FGGY: variants seen among roughly 807,000 people sequenced by gnomAD.
FGGY encodes the protein FGGY carbohydrate kinase domain containing, also known as FGGY carbohydrate kinase domain-containing protein.
In FGGY, 72 loss-of-function variants were observed where a neutral mutation model predicts 71.3. The observed-to-expected ratio is 1.01, with a 90% CI of 0.84 to 1.23. The LOEUF (loss-of-function observed/expected upper bound fraction) is 1.23. Among genes scored for constraint, FGGY ranks in the 50% most tolerant of loss-of-function variants. The probability of loss-of-function intolerance (pLI) is 0.00; values close to 1 mark genes in which losing one functional copy is unlikely to be tolerated. For missense variants in FGGY, 668 were observed against 682.3 expected (o/e 0.98, Z 0.23); for synonymous variants, 251 against 250.3 (o/e 1.00, Z -0.02).
chr1:59,559,060 C>G (rs527586024), intron 8 of FGGY, among the ~76,000 whole-genome samples: 4 of 152,094 alleles, frequency 2.6e-5, no homozygotes, highest in Non-Finnish European at 4.4e-5. Flanking sequence ...GCACTGATTT[C>G]ATATTGTTCA....
At chr1:59,322,113 G>A (rs1337184303) in intron 2 of FGGY, among the ~76,000 whole-genome samples, 2 of 152,078 alleles carry the variant, frequency 1.3e-5, no homozygotes, top group African/African-American at 2.4e-5. Flanking sequence ...AACTTGCACT[G>A]TGTAGTTGCA....
At chr1:59,364,948 A>G (rs1264687466) in intron 4 of FGGY, among the ~76,000 whole-genome samples, 1 of 152,044 alleles carries the variant, frequency 6.6e-6, no homozygotes, top group Non-Finnish European at 1.5e-5. Flanking sequence ...GTAGAAGATG[A>G]CTCCTTTGGT....
At position 59,411,399 on chromosome 1, in the gene FGGY, T is replaced by G. The variant is rs559826637; in HGVS notation, c.554+32562T>G. Among the ~76,000 whole-genome samples the G allele has an allele frequency of 4.6e-5, 7 of 152,388 alleles. No homozygotes were observed. The East Asian group carries it at 1.3e-3, about 29-fold the overall frequency. ...TGAACTTTGGCCAATTTGTTAAGGT[T>G]GTGTCTTCCAGTTTATCCACTGTAA... On this transcript the variant is annotated intron_variant, in intron 5 of 15. Transcript: ENST00000303721.
chr1:59,743,835 C>T (rs1191197726), intron 14 of FGGY, among the ~76,000 whole-genome samples: 1 of 152,218 alleles, frequency 6.6e-6, no homozygotes, highest in Non-Finnish European at 1.5e-5. Context: ...CCTGCAGCCT[C>T]CTTTCTGTCC....
chr1:59,523,525 T>A (rs2094892958), intron 7 of FGGY, among the ~76,000 whole-genome samples: 3 of 152,230 alleles, frequency 2.0e-5, no homozygotes, highest in Non-Finnish European at 2.9e-5. Flanking sequence ...GAAATAATTT[T>A]AAAAATTTTC....
intron 6 of FGGY, among the ~76,000 whole-genome samples, chr1:59,480,634 A>G (rs12563198): frequency 0.06 from 9,070 of 152,260 alleles, 341 homozygotes; most frequent in East Asian, 0.13. Context: ...CTAGGTAAGC[A>G]ACCTGGAGTC....
rs138384153 is a variant in FGGY, at chr1:59,507,568, G to A, written c.671-4743G>A. On this transcript the variant is annotated intron_variant, in intron 6 of 15. Transcript: ENST00000303721. ...TCTCATTCTTGTTGCCCAGGATGGA[G>A]TGCAGTGGCGCAATCTCGGCTTACT... 3.3e-3 allele frequency among the ~76,000 whole-genome samples: 500 copies of A among 151,980 alleles called. 4 individuals carry two copies. Among genetic ancestry groups the A allele is most frequent in the African/African-American group, 0.011 (475 of 41,412 alleles).
chr1:59,710,239 G>A (rs2097784462), intron 14 of FGGY, among the ~76,000 whole-genome samples: 1 of 152,190 alleles, frequency 6.6e-6, no homozygotes, highest in African/African-American at 2.4e-5. Context: ...AAACTGGCTA[G>A]CCGTATGCAG....
intron 11 of FGGY, among the ~76,000 whole-genome samples, chr1:59,638,731 A>G (rs1004625699): frequency 2.6e-5 from 4 of 152,228 alleles, no homozygotes; most frequent in Non-Finnish European, 5.9e-5. Context: ...AGTAGTAAAT[A>G]TTACCACCCA....
At chr1:59,408,957 C>T (rs1344841104) in intron 5 of FGGY, among the ~76,000 whole-genome samples, 1 of 152,124 alleles carries the variant, frequency 6.6e-6, no homozygotes, top group Non-Finnish European at 1.5e-5. Flanking sequence ...TAACTTTAAC[C>T]ACGGCAGCCT....
At position 59,486,059 on chromosome 1, in the gene FGGY, A is replaced by G. The variant is rs544377301; in HGVS notation, c.671-26252A>G. On this transcript the variant is annotated intron_variant, in intron 6 of 15. Coordinates refer to ENST00000303721, the MANE Select transcript of FGGY (RefSeq NM_018291.5). ...AGTTGGCCTCTGGCACATCACTTAG[A>G]GCCCCTGTGCCTCAGACTTAACACT... 2.6e-5 allele frequency among the ~76,000 whole-genome samples: 4 copies of G among 152,308 alleles called. No homozygotes were observed. In the East Asian group the frequency reaches 7.7e-4, roughly 29 times the overall value.
At chr1:59,541,425 A>G (rs1214623601) in intron 7 of FGGY, among the ~76,000 whole-genome samples, 1 of 152,102 alleles carries the variant, frequency 6.6e-6, no homozygotes, top group Non-Finnish European at 1.5e-5. Context: ...AGGTGCTGCC[A>G]GGCCTGTACA....
chr1:59,568,854 C>T (rs1025375683), intron 8 of FGGY, among the ~76,000 whole-genome samples: 17 of 152,070 alleles, frequency 1.1e-4, no homozygotes, highest in African/African-American at 3.9e-4. Flanking sequence ...AGGTAGTCAA[C>T]ACATAGTTTA....
At chr1:59,729,296 T>C (rs1361035407) in intron 14 of FGGY, among the ~76,000 whole-genome samples, 1 of 152,146 alleles carries the variant, frequency 6.6e-6, no homozygotes, top group African/African-American at 2.4e-5. Context: ...ACTTTTTCTA[T>C]TAGAACACTT....
chr1:59,449,438 C>T (rs749178165), intron 5 of FGGY, among the ~76,000 whole-genome samples: 18 of 152,164 alleles, frequency 1.2e-4, no homozygotes, highest in Middle Eastern at 3.4e-3. Flanking sequence ...CACACCACCA[C>T]GCCCAACTAA....
intron 12 of FGGY, among the ~76,000 whole-genome samples, chr1:59,662,478 T>C (rs182691143): frequency 6.6e-6 from 1 of 152,278 alleles, no homozygotes; most frequent in Non-Finnish European, 1.5e-5. Context: ...TGCAGGGCCA[T>C]ATAGCTTGTG....
chr1:59,386,460 A>T (rs2060085337), intron 5 of FGGY, among the ~76,000 whole-genome samples: 1 of 152,142 alleles, frequency 6.6e-6, no homozygotes, highest in Non-Finnish European at 1.5e-5. Context: ...CTCTTATCAC[A>T]ACTTAACACT....
intron 5 of FGGY, among the ~76,000 whole-genome samples, chr1:59,440,956 ATCCTGGGTTCC>A (rs748342435): frequency 6.6e-6 from 1 of 152,026 alleles, no homozygotes; most frequent in Non-Finnish European, 1.5e-5. Flanking sequence ...TAAGTACTCT[ATCCTGGGTTCC>A]TCAGGATGCA....
In FGGY at chr1:59,479,996, A is replaced by G. The variant is rs368452445; in HGVS notation, c.670+22920A>G. Among the ~76,000 whole-genome samples, 4 of 152,252 alleles carry G rather than the reference A, an allele frequency of 2.6e-5. No individual in the cohort carries two copies. The East Asian group carries it at 7.7e-4, about 29-fold the overall frequency. ...CAAGTGCTGTCAGTCTTAGGCTCCA[A>G]ATACGTCTATAATTCATGAACTCTT... On this transcript the variant is annotated intron_variant, in intron 6 of 15. Transcript: ENST00000303721.
Sources: allele counts gnomAD v4.1 joint callset (sites outside exome capture counted in the v4.1 genomes callset), GRCh38; gene constraint gnomAD v4.1.1; transcripts MANE v1.5; gene names NCBI Gene and HGNC (gene_info 2026-07-23, HGNC 2026-07-21).